The following NCOR1 variants were observed in gnomAD, a reference collection of about 807,000 sequenced individuals.
NCOR1 encodes the protein nuclear receptor corepressor 1, also known as protein phosphatase 1, regulatory subunit 109.
NCOR1 carries 63 observed loss-of-function variants against 288.1 expected under a neutral mutation model. That is an observed-to-expected ratio of 0.22 (90% CI 0.18 to 0.27). The LOEUF (loss-of-function observed/expected upper bound fraction) is 0.27. Among genes scored for constraint, NCOR1 ranks in the 10% least tolerant of loss-of-function variants. The pLI is 1.00. For synonymous variants in NCOR1, 1,007 were observed against 1,065.9 expected (o/e 0.94, Z 1.08); for missense variants, 2,397 against 3,019.2 (o/e 0.79, Z 4.83).
chr17:16,084,870 G>A (rs1045962471), intron 23 of NCOR1, among the ~76,000 whole-genome samples: 2 of 152,082 alleles, frequency 1.3e-5, no homozygotes, highest in African/African-American at 2.4e-5. Context: ...AGAAAACACA[G>A]GCGAATATCT....
At chr17:16,048,798 G>A in intron 41 of NCOR1, 47 bp downstream of exon 41, 1 of 1,511,124 alleles carries the variant, frequency 6.6e-7, no homozygotes, top group East Asian at 2.4e-5. Context: ...GTTAAAGCAT[G>A]AGCACCCACG....
rs536076779 is a variant in NCOR1 at position 16,051,072 on chromosome 17, C to A, written c.6393-2084G>T. Among the ~76,000 whole-genome samples, 13 of 152,286 alleles carry A rather than the reference C, an allele frequency of 8.5e-5. No homozygotes were observed. The South Asian group carries it at 2.5e-3, about 29-fold the overall frequency. Reference sequence around the variant, plus strand: ...CAGGCTGGTCTTGAACCGCTGGCCTCAAGCGATCCTCTCGCCTTGGTCTCC... The same window carrying A: ...CAGGCTGGTCTTGAACCGCTGGCCTAAAGCGATCCTCTCGCCTTGGTCTCC... On this transcript the variant is annotated intron_variant, in intron 40 of 45. Coordinates refer to ENST00000268712, the MANE Select transcript of NCOR1 (RefSeq NM_006311.4).
At position 16,064,056 on chromosome 17, in the gene NCOR1, C is replaced by A; in HGVS notation, c.5221+12G>T. On this transcript the variant is annotated intron_variant, in intron 35 of 45. Coordinates refer to ENST00000268712, the MANE Select transcript of NCOR1 (RefSeq NM_006311.4). The stretch of plus-strand genomic sequence containing the variant: ...GTGTCCAGAGAATGGAAGAGCAGTG[C>A]CTTTCACTGACCTGGCCGCAGGTAG... 3 of 1,613,590 alleles carry A rather than the reference C, an allele frequency of 1.9e-6. No homozygotes were observed. The highest frequency in any genetic ancestry group is 2.5e-6 in the Non-Finnish European group (3 of 1,179,698).
chr17:16,075,607 T>C lies in NCOR1; in HGVS notation c.3597A>G (p.Lys1199=), dbSNP rs1393008776. 6.2e-7 allele frequency: 1 copy of C among 1,614,224 alleles called. No individual in the cohort carries two copies. Among genetic ancestry groups the C allele is most frequent in the Admixed American group, 1.7e-5 (1 of 60,024 alleles). Reference sequence around the variant, plus strand: ...CTTTGGATGCAGCTTCCTCTCTGCCTTTCTCAGGACTGCTGTCTTCAATGG... The same window carrying C: ...CTTTGGATGCAGCTTCCTCTCTGCCCTTCTCAGGACTGCTGTCTTCAATGG... The part of the protein sequence containing the change: ...RMPIEDSSPE[K]GREEAASKGH... Residue 1199 remains lysine (K), a synonymous_variant, in exon 27 of 46, where the codon AAA becomes AAG. Transcript: ENST00000268712.
intron 2 of NCOR1, among the ~76,000 whole-genome samples, chr17:16,192,613 A>C (rs2088703608): frequency 1.3e-5 from 2 of 152,164 alleles, no homozygotes; most frequent in African/African-American, 2.4e-5. Flanking sequence ...CTCAGATGGC[A>C]CCATAGCACT....
At chr17:16,111,638 AAAAAG>A (rs200841662) in intron 18 of NCOR1, among the ~76,000 whole-genome samples, 1,873 of 151,924 alleles carry the variant, frequency 0.012, 43 homozygotes, top group African/African-American at 0.043. Context: ...AATTAAAAAA[AAAAAG>A]AAGACATTCT....
chr17:16,077,973 T>C (rs964373420), intron 26 of NCOR1, among the ~76,000 whole-genome samples: 12 of 152,368 alleles, frequency 7.9e-5, no homozygotes, highest in Middle Eastern at 3.4e-3. Flanking sequence ...ACTAGGTTGT[T>C]AGGCCTTTGG....
At chr17:16,075,389 G>A in intron 27 of NCOR1, 145 bp downstream of exon 27, 6 of 834,900 alleles carry the variant, frequency 7.2e-6, no homozygotes, top group Non-Finnish European at 1.1e-5. Flanking sequence ...CATGAGACAA[G>A]TATTACTAAC....
Position 16,031,322 on chromosome 17 carries a change from C to A in NCOR1, c.*974G>T, listed in dbSNP as rs1168865937. The A allele has an allele frequency of 2.1e-5, 4 of 190,202 alleles. No individual in the cohort carries two copies. The highest frequency in any genetic ancestry group is 4.4e-5 in the Non-Finnish European group (4 of 90,714). The allele number at this position is 190,202 out of a possible 1,614,324, so 11.8% of individuals were successfully genotyped here. On this transcript the variant is annotated 3_prime_UTR_variant, in exon 46 of 46. Coordinates refer to ENST00000268712, the MANE Select transcript of NCOR1 (RefSeq NM_006311.4). The stretch of plus-strand genomic sequence containing the variant: ...CTTTTAACCCAACCAATCATATATT[C>A]AAACTAAGGGAAAAATATGTAAGCT...
chr17:16,164,862 C>T (rs551237257), intron 5 of NCOR1, 117 bp downstream of exon 5: 26 of 683,958 alleles, frequency 3.8e-5, no homozygotes, highest in South Asian at 3.3e-4. Context: ...ACAGCAAGTC[C>T]GAATATATAA....
At chr17:16,092,668 TATATATATATATATATATATATATA>T (rs1567957364) in intron 21 of NCOR1, among the ~76,000 whole-genome samples, 3 of 14,330 alleles carry the variant, frequency 2.1e-4, no homozygotes, top group African/African-American at 7.3e-4. Context: ...TATATATATA[TATATATATATATATATATATATATA>T]TATTTTTTTT....
At chr17:16,040,564 A>T in intron 42 of NCOR1, 70 bp from the exon 43 acceptor site, 1 of 1,242,276 alleles carries the variant, frequency 8.0e-7, no homozygotes, top group South Asian at 1.3e-5. Context: ...AGTCTCAAAA[A>T]ATTCCTATAA....
intron 35 of NCOR1, among the ~76,000 whole-genome samples, chr17:16,063,083 C>T (rs956910521): frequency 1.3e-5 from 2 of 152,130 alleles, no homozygotes; most frequent in Non-Finnish European, 1.5e-5. Context: ...TAGCACACAC[C>T]CCTCTTCTCA....
In NCOR1 at chr17:16,127,628, C is replaced by T. The variant is rs974546860; in HGVS notation, c.1510-1422G>A. On this transcript the variant is annotated intron_variant, in intron 14 of 45. Coordinates refer to ENST00000268712, the MANE Select transcript of NCOR1 (RefSeq NM_006311.4). ...ATACATATGTGTATGTGTATATATA[C>T]ATATATGTATATATGTGTATGTGTA... is the stretch of plus-strand genomic sequence containing the variant. Among the ~76,000 whole-genome samples, 37 of 125,678 alleles carry T rather than the reference C, an allele frequency of 2.9e-4. 1 individual carries two copies. The highest frequency in any genetic ancestry group is 1.1e-3 in the African/African-American group (34 of 30,648). 82.4% of individuals were successfully genotyped at this position (125,678 alleles called of 152,430 possible). A position where few individuals can be genotyped will look rare whatever the true frequency, so the allele number is the denominator to read the frequency against.
intron 21 of NCOR1, among the ~76,000 whole-genome samples, chr17:16,095,469 G>A (rs1260239807): frequency 1.6e-4 from 23 of 143,752 alleles, no homozygotes; most frequent in African/African-American, 2.8e-4. Flanking sequence ...CCGGCCAGCC[G>A]CCCCGTCCGG....
chr17:16,080,767 C>T lies in NCOR1; in HGVS notation c.3178-40G>A, dbSNP rs775656771. ...AAAAAAAATTTAAAGATTAAGCAAA[C>T]ATTGTTTTTTTCACAAGGTCAATTT... On this transcript the variant is annotated intron_variant, in intron 23 of 45. Coordinates refer to ENST00000268712, the MANE Select transcript of NCOR1 (RefSeq NM_006311.4). 9 of 1,569,116 alleles carry T rather than the reference C, an allele frequency of 5.7e-6. No homozygotes were observed. The Admixed American group carries it at 7.3e-5, about 13-fold the overall frequency.
chr17:16,092,909 G>A (rs911003261), intron 21 of NCOR1, among the ~76,000 whole-genome samples: 1 of 150,406 alleles, frequency 6.6e-6, no homozygotes, highest in Non-Finnish European at 1.5e-5. Flanking sequence ...TCGCCATGTT[G>A]GCCAGGCTGG....
chr17:16,197,063 G>C (rs933772989), intron 1 of NCOR1, among the ~76,000 whole-genome samples: 1 of 151,648 alleles, frequency 6.6e-6, no homozygotes, highest in African/African-American at 2.4e-5. Context: ...GGCCGGGCGC[G>C]GTGGCTCACG....
chr17:16,081,571 G>T (rs2063418942), intron 23 of NCOR1, among the ~76,000 whole-genome samples: 1 of 152,030 alleles, frequency 6.6e-6, no homozygotes, highest in Non-Finnish European at 1.5e-5. Context: ...GAGCAAGGAT[G>T]GAGCTCCTTA....
Sources: gnomAD v4.1 joint callset for allele counts (sites outside exome capture counted in the v4.1 genomes callset) on GRCh38, gnomAD v4.1.1 for gene constraint, MANE v1.5 for transcripts, NCBI Gene and HGNC (gene_info 2026-07-23, HGNC 2026-07-21) for gene names.